Variants in TUBGCP4 observed in about 807,000 individuals in gnomAD.
The protein encoded by TUBGCP4 is gamma-tubulin complex component 4.
TUBGCP4 carries 54 observed loss-of-function variants against 91.6 expected under a neutral mutation model. The ratio of observed to expected loss-of-function variants is 0.59; its 90% CI spans 0.47 to 0.74. TUBGCP4 has a LOEUF of 0.74. Among genes scored for constraint, TUBGCP4 ranks in the 30% least tolerant of loss-of-function variants. The pLI, the probability that TUBGCP4 is intolerant of heterozygous loss-of-function variation, is 0.00. For missense variants in TUBGCP4, 593 were observed against 800.9 expected (o/e 0.74, Z 3.13); for synonymous variants, 297 against 302.8 (o/e 0.98, Z 0.20).
chr15:43,374,957 C>T (rs2044183033), intron 1 of TUBGCP4, among the ~76,000 whole-genome samples: 1 of 152,200 alleles, frequency 6.6e-6, no homozygotes, highest in African/African-American at 2.4e-5. Flanking sequence ...GGCTGGAGGG[C>T]AGTGGTGCAA....
chr15:43,405,389 T>C lies in TUBGCP4; in HGVS notation c.*175T>C. ...CCAGGAGTACAACTCCTTCCCATCA[T>C]TCCCATGTGGAAGGGTCTCTCCCAT... is the stretch of plus-strand genomic sequence containing the variant. On this transcript the variant is annotated 3_prime_UTR_variant, in exon 18 of 18. Transcript: ENST00000564079. The C allele has an allele frequency of 6.0e-6, 4 of 669,142 alleles. No individual in the cohort carries two copies. The highest frequency in any genetic ancestry group is 1.0e-5 in the Non-Finnish European group (4 of 384,748). 41.5% of individuals were successfully genotyped at this position (669,142 alleles called of 1,614,324 possible).
In TUBGCP4 at chr15:43,400,804, G is replaced by C. The variant is rs1463303481; in HGVS notation, c.1596+583G>C. On this transcript the variant is annotated intron_variant, in intron 14 of 17. Coordinates refer to ENST00000564079, the MANE Select transcript of TUBGCP4 (RefSeq NM_014444.5). Reference sequence around the variant, plus strand: ...GTGGTGGCGCCTGTTTGTAGTCCCAGCTACCTGGGAGGCTGAGGCAGGAGA... The same window carrying C: ...GTGGTGGCGCCTGTTTGTAGTCCCACCTACCTGGGAGGCTGAGGCAGGAGA... Among the ~76,000 whole-genome samples, 3 of 152,086 alleles carry C rather than the reference G, an allele frequency of 2.0e-5. No individual in the cohort carries two copies. In the East Asian group the frequency reaches 5.8e-4, roughly 29 times the overall value.
chr15:43,394,344 A>C (rs1163429856), intron 9 of TUBGCP4: 4 of 152,142 alleles, frequency 2.6e-5, no homozygotes, highest in African/African-American at 9.7e-5. Flanking sequence ...AGCCTCCTTA[A>C]GTCCTGGGAT....
At chr15:43,393,173 C>T (rs1279986585) in intron 9 of TUBGCP4, among the ~76,000 whole-genome samples, 23 of 149,958 alleles carry the variant, frequency 1.5e-4, no homozygotes, top group Admixed American at 1.5e-3. Flanking sequence ...TGTGTTTATC[C>T]ATTCATCCTT....
intron 10 of TUBGCP4, 44 bp from the exon 11 acceptor site, chr15:43,395,539 C>T: frequency 7.0e-7 from 1 of 1,433,780 alleles, no homozygotes; most frequent in Middle Eastern, 1.7e-4. Flanking sequence ...GTGAGGAGCT[C>T]CTGCCTTGCT....
intron 13 of TUBGCP4, among the ~76,000 whole-genome samples, chr15:43,398,643 C>T (rs1391793385): frequency 6.6e-6 from 1 of 152,082 alleles, no homozygotes; most frequent in African/African-American, 2.4e-5. Flanking sequence ...TCTTAGGCAC[C>T]ATGTCGAGAT....
chr15:43,393,334 C>T (rs1351184863), intron 9 of TUBGCP4, among the ~76,000 whole-genome samples: 5 of 151,784 alleles, frequency 3.3e-5, no homozygotes, highest in African/African-American at 4.8e-5. Context: ...CTCAGCCTCC[C>T]GAGCAGCTGG....
intron 13 of TUBGCP4, among the ~76,000 whole-genome samples, chr15:43,398,786 A>G (rs1566900859): frequency 6.6e-6 from 1 of 152,152 alleles, no homozygotes; most frequent in Non-Finnish European, 1.5e-5. Context: ...GGAGAAGACA[A>G]AATCCTGTGT....
chr15:43,376,609 T>C lies in TUBGCP4; in HGVS notation c.314T>C (p.Leu105Pro). 1 of 1,614,172 alleles carries C rather than the reference T, an allele frequency of 6.2e-7. No individual in the cohort carries two copies. Among genetic ancestry groups the C allele is most frequent in the Non-Finnish European group, 8.5e-7 (1 of 1,180,026 alleles). ...SVLQPYRQALLDLEQEFLGDP... is the reference protein window; with the variant it reads ...SVLQPYRQALPDLEQEFLGDP... ...TTGCAGCCTTATCGCCAAGCACTGC[T>C]TGATTTGGAACAAGAGGTAAGAAGG... Residue 105 changes from leucine to proline, a missense_variant, in exon 3 of 18, where the codon CTT becomes CCT. Leu to Pro is a moderately conservative substitution (Grantham distance 98, BLOSUM62 -3). Transcript: ENST00000564079.
chr15:43,376,897 C>A, intron 3 of TUBGCP4, 117 bp from the exon 4 acceptor site: 1 of 999,530 alleles, frequency 1.0e-6, no homozygotes, highest in Non-Finnish European at 1.5e-6. Context: ...ATTATCAGTT[C>A]TCGATAGCCT....
chr15:43,378,664 T>C (rs760488479), intron 5 of TUBGCP4, among the ~76,000 whole-genome samples: 4 of 152,266 alleles, frequency 2.6e-5, no homozygotes, highest in African/African-American at 9.6e-5. Context: ...GCTATGTTCA[T>C]GCTGTGCCAG....
intron 14 of TUBGCP4, 66 bp downstream of exon 14, chr15:43,400,287 A>T (rs1227583694): frequency 7.2e-7 from 1 of 1,398,046 alleles, no homozygotes; most frequent in African/African-American, 1.4e-5. Context: ...GGCAGGGAGT[A>T]TTGAATAGGG....
In TUBGCP4 at chr15:43,377,876, T is replaced by C. The variant is rs746554235; in HGVS notation, c.414T>C (p.Val138=). The change falls in exon 5 of 18, where the codon GTT becomes GTC. Residue 138 remains valine, a synonymous_variant. Transcript: ENST00000564079. ...QFQLLFPSVM[V]VVEQIKSQKI... is the part of the protein sequence containing the mutation. The stretch of plus-strand genomic sequence containing the variant: ...AGCTTCTTTTTCCCTCTGTGATGGT[T>C]GTAGTAGAACAAATTAAAAGTCAAA... 6.2e-7 allele frequency: 1 copy of C among 1,608,546 alleles called. No individual in the cohort carries two copies. The highest frequency in any genetic ancestry group is 8.5e-7 in the Non-Finnish European group (1 of 1,178,678).
intron 15 of TUBGCP4, chr15:43,403,423 G>C (rs2044740903): frequency 3.0e-6 from 1 of 331,842 alleles, no homozygotes; most frequent in African/African-American, 2.1e-5. Context: ...AAGAAATGAA[G>C]AGTTAAATGT....
In TUBGCP4 at chr15:43,405,541, C is replaced by T. The variant is rs1370814633; in HGVS notation, c.*327C>T. 1.2e-5 allele frequency: 4 copies of T among 325,164 alleles called. No homozygotes were observed. The highest frequency in any genetic ancestry group is 4.2e-5 in the African/African-American group (2 of 47,232). 20.1% of individuals were successfully genotyped at this position (325,164 alleles called of 1,614,324 possible). A position where few individuals can be genotyped will look rare whatever the true frequency, so the allele number is the denominator to read the frequency against. The stretch of plus-strand genomic sequence containing the variant: ...GGTACTGTTCAAGCTGTGGGAGATA[C>T]AGCGGTAAACAAACAATATAGAGCA... On this transcript the variant is annotated 3_prime_UTR_variant, in exon 18 of 18. Transcript: ENST00000564079.
In TUBGCP4 at chr15:43,403,761, G is replaced by A. The variant is rs1483320064; in HGVS notation, c.1810G>A (p.Asp604Asn). 1 of 1,613,946 alleles carries A rather than the reference G, an allele frequency of 6.2e-7. No homozygotes were observed. The highest frequency in any genetic ancestry group is 1.1e-5 in the South Asian group (1 of 91,052). ...GGTCAGTCAGAACCTAGGCCCACTG[G>A]ATGAGCGTGGAGCCGCCCAGCTGAG... ...SLVSQNLGPL[D>N]ERGAAQLSIL... Residue 604 changes from aspartate to asparagine, a missense_variant, in exon 16 of 18, where the codon GAT becomes AAT. Asp to Asn is a conservative substitution (Grantham distance 23). Coordinates refer to ENST00000564079, the MANE Select transcript of TUBGCP4 (RefSeq NM_014444.5).
chr15:43,372,297 TAGG>T (rs1475987715), intron 1 of TUBGCP4, among the ~76,000 whole-genome samples: 2 of 152,176 alleles, frequency 1.3e-5, no homozygotes, highest in African/African-American at 4.8e-5. Context: ...TGCCGATTCT[TAGG>T]AGACTGTGGA....
chr15:43,397,243 C>G lies in TUBGCP4; in HGVS notation c.1201C>G (p.His401Asp), dbSNP rs2044596676. 2 of 1,614,028 alleles carry G rather than the reference C, an allele frequency of 1.2e-6. No homozygotes were observed. The highest frequency in any genetic ancestry group is 1.7e-6 in the Non-Finnish European group (2 of 1,180,004). ...GAATGTGGCCTTTCAACAGTCAGCA[C>G]ACAAGGTATTGCTAGATGATGACAA... is the stretch of plus-strand genomic sequence containing the variant. ...DVNVAFQQSA[H>D]KVLLDDDNLL... The change falls in exon 12 of 18, where the codon CAC becomes GAC. Residue 401 changes from histidine to aspartate, a missense_variant. By Grantham distance (81) the His-to-Asp change is moderately conservative. Transcript: ENST00000564079.
In TUBGCP4 at chr15:43,406,920, T is replaced by G. The variant is rs2044913986; in HGVS notation, c.*1706T>G. ...CAGCTCAGAGAGAGAGCATGAGGTC[T>G]TTTTTAACTGTCAGGAAACAGAGCT... On this transcript the variant is annotated 3_prime_UTR_variant, in exon 18 of 18. Transcript: ENST00000564079. The G allele has an allele frequency of 4.1e-6, 1 of 243,256 alleles. No homozygotes were observed. Among genetic ancestry groups the G allele is most frequent in the Non-Finnish European group, 8.2e-6 (1 of 122,558 alleles). The allele number at this position is 243,256 out of a possible 1,614,324, so 15.1% of individuals were successfully genotyped here.
Sources: allele counts gnomAD v4.1 joint callset (sites outside exome capture counted in the v4.1 genomes callset), GRCh38; gene constraint gnomAD v4.1.1; transcripts MANE v1.5; gene names NCBI Gene and HGNC (gene_info 2026-07-23, HGNC 2026-07-21).